Variants in EPHA6 observed in about 807,000 individuals in gnomAD.
EPHA6 encodes EPH receptor A6, also known as ephrin type-A receptor 6.
Under a neutral mutation model 112.0 loss-of-function variants are expected in EPHA6, and 50 were observed. The ratio of observed to expected loss-of-function variants is 0.45; its 90% confidence interval spans 0.36 to 0.56. EPHA6 has a LOEUF of 0.56. Ranked by LOEUF, EPHA6 falls within the 20% of genes least tolerant of loss-of-function variation. The pLI is 0.00. For synonymous variants in EPHA6, 529 were observed against 490.7 expected, an observed-to-expected ratio of 1.08 and a Z score of -1.03; for missense variants, 1,280 against 1,417.4, an observed-to-expected ratio of 0.90 and a Z score of 1.56.
intron 2 of EPHA6, among the ~76,000 whole-genome samples, chr3:96,922,656 G>A (rs1374557759): frequency 3.4e-5 from 5 of 149,236 alleles, no homozygotes; most frequent in African/African-American, 7.4e-5. Flanking sequence ...TTTTTTTTCC[G>A]ACTTTGAAGT....
chr3:97,384,429 C>T (rs2109031903), intron 5 of EPHA6, among the ~76,000 whole-genome samples: 1 of 152,292 alleles, frequency 6.6e-6, no homozygotes. Context: ...GTAGTAGAGC[C>T]TGGGCTGACT....
chr3:97,688,002 A>T (rs1465791916), intron 14 of EPHA6, among the ~76,000 whole-genome samples: 1 of 152,188 alleles, frequency 6.6e-6, no homozygotes, highest in Non-Finnish European at 1.5e-5. Context: ...TTGGCCAACC[A>T]AGTCTCCTGC....
At chr3:97,373,359 A>T (rs892763825) in intron 5 of EPHA6, among the ~76,000 whole-genome samples, 23 of 152,260 alleles carry the variant, frequency 1.5e-4, no homozygotes, top group Middle Eastern at 3.4e-3. Context: ...CAGCTTAGTC[A>T]TGAAATCACA....
chr3:96,960,249 G>A (rs1450941206), intron 2 of EPHA6, among the ~76,000 whole-genome samples: 1 of 152,118 alleles, frequency 6.6e-6, no homozygotes, highest in Non-Finnish European at 1.5e-5. Context: ...CTTGGAGAAT[G>A]ATTTTTTCTT....
intron 16 of EPHA6, among the ~76,000 whole-genome samples, chr3:97,737,768 G>A (rs1023480481): frequency 5.9e-5 from 9 of 152,010 alleles, no homozygotes; most frequent in African/African-American, 2.2e-4. Context: ...TATAGCTGAA[G>A]CTTTAACTGT....
intron 14 of EPHA6, among the ~76,000 whole-genome samples, chr3:97,669,146 A>AG (rs2030507257): frequency 6.6e-6 from 1 of 151,942 alleles, no homozygotes; most frequent in Non-Finnish European, 1.5e-5. Context: ...TAGGCTCTGA[A>AG]GTAACTTTCA....
At chr3:97,574,297 T>A (rs1489934815) in intron 11 of EPHA6, among the ~76,000 whole-genome samples, 1 of 152,096 alleles carries the variant, frequency 6.6e-6, no homozygotes. Context: ...CTGTAATATG[T>A]GGTAGTTGAA....
At chr3:97,523,513 T>C (rs1306410429) in intron 10 of EPHA6, among the ~76,000 whole-genome samples, 1 of 152,090 alleles carries the variant, frequency 6.6e-6, no homozygotes, top group Non-Finnish European at 1.5e-5. Flanking sequence ...TTGGATGAAA[T>C]GTTCTGTATA....
intron 3 of EPHA6, among the ~76,000 whole-genome samples, chr3:97,078,850 T>C (rs554535687): frequency 8.7e-4 from 132 of 152,284 alleles, no homozygotes; most frequent in African/African-American, 2.7e-3. Context: ...TGTAATCTAC[T>C]ACTGGTGAGG....
intron 12 of EPHA6, among the ~76,000 whole-genome samples, chr3:97,602,257 A>G (rs1441823210): frequency 2.0e-5 from 3 of 152,056 alleles, no homozygotes; most frequent in Non-Finnish European, 4.4e-5. Flanking sequence ...TGTTTGAGAA[A>G]GCAAAATCTG....
intron 5 of EPHA6, among the ~76,000 whole-genome samples, chr3:97,344,816 T>G (rs184859418): frequency 2.2e-4 from 34 of 152,268 alleles, no homozygotes; most frequent in African/African-American, 7.5e-4. Context: ...ATACAGGCCT[T>G]TTTTATTAGC....
intron 5 of EPHA6, among the ~76,000 whole-genome samples, chr3:97,363,232 ATAT>A (rs2084500212): frequency 8.5e-5 from 6 of 70,532 alleles, no homozygotes; most frequent in Admixed American, 3.2e-4. Flanking sequence ...ATATATATAT[ATAT>A]ATAAATCTCA....
chr3:96,831,775 G>T (rs1481870912), intron 1 of EPHA6, among the ~76,000 whole-genome samples: 1 of 152,016 alleles, frequency 6.6e-6, no homozygotes, highest in African/African-American at 2.4e-5. Context: ...AACATAAACA[G>T]AAAATAAATT....
intron 14 of EPHA6, among the ~76,000 whole-genome samples, chr3:97,682,557 A>G (rs9862748): frequency 0.13 from 19,255 of 152,066 alleles, 2,496 homozygotes; most frequent in African/African-American, 0.33. Context: ...AATTTCCTCC[A>G]TAGACTATGA....
chr3:97,395,514 A>G (rs2086647391), intron 5 of EPHA6, among the ~76,000 whole-genome samples: 1 of 151,874 alleles, frequency 6.6e-6, no homozygotes, highest in Non-Finnish European at 1.5e-5. Flanking sequence ...GAGCATACAC[A>G]GAAAGAAACA....
intron 3 of EPHA6, among the ~76,000 whole-genome samples, chr3:97,081,915 T>G (rs2046732838): frequency 6.6e-6 from 1 of 151,648 alleles, no homozygotes; most frequent in South Asian, 2.1e-4. Flanking sequence ...TATTTTCAAC[T>G]TGAATGCAAA....
intron 15 of EPHA6, among the ~76,000 whole-genome samples, chr3:97,726,433 G>T (rs1217177745): frequency 6.6e-6 from 1 of 151,968 alleles, no homozygotes; most frequent in African/African-American, 2.4e-5. Context: ...CAGTTGTTTG[G>T]AAATATAAAT....
In EPHA6 at chr3:97,210,632, C is replaced by T. The variant is rs758214163; in HGVS notation, c.1115-15632C>T. On this transcript the variant is annotated intron_variant, in intron 3 of 17. Coordinates refer to ENST00000389672, the MANE Select transcript of EPHA6 (RefSeq NM_001080448.3). ...TAATGGGTAACTAATGATGAGAACTCGAATTATAGGTTAGAATGGACCTCT... is the reference window on the plus strand; with the variant it reads ...TAATGGGTAACTAATGATGAGAACTTGAATTATAGGTTAGAATGGACCTCT... Among the ~76,000 whole-genome samples the T allele has an allele frequency of 5.0e-4, 76 of 152,076 alleles. 1 individual carries two copies. The highest frequency in any genetic ancestry group is 3.3e-3 in the Admixed American group (51 of 15,266).
chr3:96,914,030 G>A (rs1419030440), intron 2 of EPHA6, among the ~76,000 whole-genome samples: 2 of 152,068 alleles, frequency 1.3e-5, no homozygotes, highest in Admixed American at 6.6e-5. Flanking sequence ...TGCGCCTAAC[G>A]ATATGAATTT....
Sources: gnomAD v4.1 joint callset for allele counts (sites outside exome capture counted in the v4.1 genomes callset) on GRCh38, gnomAD v4.1.1 for gene constraint, MANE v1.5 for transcripts, NCBI Gene and HGNC (gene_info 2026-07-23, HGNC 2026-07-21) for gene names.